Variants in DOCK10 observed in about 807,000 individuals in gnomAD.
The protein encoded by DOCK10 is dedicator of cytokinesis protein 10.
Under a neutral mutation model 280.1 loss-of-function variants are expected in DOCK10, and 145 were observed. The ratio of observed to expected loss-of-function variants is 0.52; its 90% CI spans 0.45 to 0.59. The LOEUF is 0.59. DOCK10 is among the 20% of genes least tolerant of loss of function. DOCK10 has a pLI of 0.00. For synonymous variants in DOCK10, 915 were observed against 942.2 expected, an observed-to-expected ratio of 0.97 and a Z score of 0.53; for missense variants, 2,368 against 2,651.7, an observed-to-expected ratio of 0.89 and a Z score of 2.35.
chr2:224,916,721 T>C lies in DOCK10; in HGVS notation c.307A>G (p.Lys103Glu), dbSNP rs1460067491. 1.9e-6 allele frequency: 3 copies of C among 1,611,098 alleles called. No individual in the cohort carries two copies. Among genetic ancestry groups the C allele is most frequent in the Non-Finnish European group, 2.5e-6 (3 of 1,178,526 alleles). ...YSTVPEDAEH[K>E]AENLLVKEAC... ...TCCTTAACCAGTAAATTTTCTGCCT[T>C]GTGCTCTGCATCTTCAGGTACTGTT... The change falls in exon 3 of 56, where the codon AAG becomes GAG. Residue 103 changes from lysine to glutamate, a missense_variant. Transcript: ENST00000258390.
chr2:224,842,762 G>A (rs1298627245), intron 22 of DOCK10, among the ~76,000 whole-genome samples: 1 of 152,190 alleles, frequency 6.6e-6, no homozygotes, highest in African/African-American at 2.4e-5. Flanking sequence ...ACAGAGCAGA[G>A]GGCAAGGAAG....
At chr2:224,896,622 CATGAGAAT>C in intron 3 of DOCK10, among the ~76,000 whole-genome samples, 1 of 152,256 alleles carries the variant, frequency 6.6e-6, no homozygotes. Flanking sequence ...GAGGCTGAGA[CATGAGAAT>C]AGGTTGAACC....
chr2:224,897,318 G>A (rs1700042539), intron 3 of DOCK10, among the ~76,000 whole-genome samples: 1 of 152,118 alleles, frequency 6.6e-6, no homozygotes, highest in African/African-American at 2.4e-5. Flanking sequence ...TACATGAGAT[G>A]GTTTGATACA....
At chr2:225,039,162 T>A (rs1381784103) in intron 1 of DOCK10, among the ~76,000 whole-genome samples, 1 of 152,192 alleles carries the variant, frequency 6.6e-6, no homozygotes, top group Non-Finnish European at 1.5e-5. Context: ...TTCTAATTAG[T>A]GGCATTACAA....
intron 1 of DOCK10, among the ~76,000 whole-genome samples, chr2:224,962,927 C>CA (rs1214483069): frequency 2.0e-5 from 3 of 151,868 alleles, no homozygotes; most frequent in African/African-American, 7.3e-5. Flanking sequence ...TTTTTTCTGC[C>CA]AAAAAATGTT....
chr2:224,861,912 C>G (rs1574954245), intron 14 of DOCK10: 1 of 152,296 alleles, frequency 6.6e-6, no homozygotes, highest in African/African-American at 2.4e-5. Context: ...TCTAACCTTT[C>G]TTAGTTCATT....
At chr2:224,974,139 G>T (rs1341898174) in intron 1 of DOCK10, among the ~76,000 whole-genome samples, 3 of 152,158 alleles carry the variant, frequency 2.0e-5, no homozygotes, top group Non-Finnish European at 4.4e-5. Context: ...CCACCAAACT[G>T]TAAGTGCAGG....
chr2:224,890,375 G>C (rs1699587590), intron 4 of DOCK10, among the ~76,000 whole-genome samples: 1 of 152,200 alleles, frequency 6.6e-6, no homozygotes, highest in Admixed American at 6.5e-5. Context: ...ATGAAACAAA[G>C]TAAGGTTCTC....
At chr2:225,033,697 A>G (rs1225116884) in intron 1 of DOCK10, among the ~76,000 whole-genome samples, 1 of 152,230 alleles carries the variant, frequency 6.6e-6, no homozygotes, top group East Asian at 1.9e-4. Flanking sequence ...CTGCTGTGAA[A>G]GATAAGAAGC....
rs1310221679 is a variant in DOCK10, at chr2:224,794,950, T to G, written c.5083A>C (p.Thr1695Pro). 1 of 1,613,746 alleles carries G rather than the reference T, an allele frequency of 6.2e-7. No homozygotes were observed. The highest frequency in any genetic ancestry group is 2.2e-5 in the East Asian group (1 of 44,858). ...AGCCAGGTCCTGCGTAGTTCAGGAG[T>G]GCTTGCGTAGGAGTTTGCCAGGCTG... ...QYSLANSYASTPELRRTWLES... is the reference protein window; with the variant it reads ...QYSLANSYASPPELRRTWLES... Residue 1695 changes from threonine (T) to proline (P), a missense_variant, in exon 45 of 56, where the codon ACT (threonine) becomes CCT (proline). By Grantham distance (38) the Thr-to-Pro change is conservative. Transcript: ENST00000258390.
intron 4 of DOCK10, among the ~76,000 whole-genome samples, chr2:224,888,742 GTA>G (rs200788903): frequency 0.11 from 16,076 of 151,514 alleles, 1,149 homozygotes; most frequent in Middle Eastern, 0.18. Flanking sequence ...ATATATGTGT[GTA>G]TGTGTGTGTG....
At chr2:224,781,146 C>T (rs573509261) in intron 50 of DOCK10, among the ~76,000 whole-genome samples, 3 of 152,266 alleles carry the variant, frequency 2.0e-5, no homozygotes, top group South Asian at 2.1e-4. Flanking sequence ...AATTTGAGTT[C>T]TGGCTTTTAT....
intron 1 of DOCK10, among the ~76,000 whole-genome samples, chr2:225,017,720 A>AAAAAAC (rs1689654724): frequency 6.6e-6 from 1 of 150,480 alleles, no homozygotes; most frequent in African/African-American, 2.4e-5. Context: ...AAAAAAAAAA[A>AAAAAAC]GCAAAAAGGA....
intron 47 of DOCK10, among the ~76,000 whole-genome samples, chr2:224,791,874 T>G (rs573211570): frequency 3.3e-5 from 5 of 152,192 alleles, no homozygotes; most frequent in Non-Finnish European, 5.9e-5. Context: ...ATATAGCAAG[T>G]AAAGTCCATT....
intron 2 of DOCK10, among the ~76,000 whole-genome samples, chr2:224,931,091 GGTGTCA>G (rs1465042133): frequency 2.6e-5 from 4 of 152,286 alleles, no homozygotes; most frequent in African/African-American, 9.6e-5. Flanking sequence ...TTTGCCCCCA[GGTGTCA>G]GTATCTCCTT....
chr2:224,947,772 C>T (rs111563050), intron 1 of DOCK10, among the ~76,000 whole-genome samples: 6 of 152,096 alleles, frequency 3.9e-5, no homozygotes, highest in African/African-American at 9.7e-5. Context: ...CACAACTGTA[C>T]GGTTTATTTA....
intron 28 of DOCK10, among the ~76,000 whole-genome samples, chr2:224,821,496 A>G (rs1694501600): frequency 1.3e-5 from 2 of 152,192 alleles, no homozygotes; most frequent in African/African-American, 4.8e-5. Context: ...TCAGTTTTAC[A>G]TTTTCAAAAA....
chr2:224,886,536 T>C lies in DOCK10; in HGVS notation c.417-5A>G, dbSNP rs770881322. On this transcript the variant is annotated splice_region_variant and splice_polypyrimidine_tract_variant and intron_variant, in intron 4 of 55. Transcript: ENST00000258390. ...TTCTCTGGTTTGTATTCTGCTCTGA[T>C]ATTAAAAAAAAAAAAAGATTCTGAT... is the stretch of plus-strand genomic sequence containing the variant. 5.1e-6 allele frequency: 8 copies of C among 1,571,876 alleles called. No homozygotes were observed. Among genetic ancestry groups the C allele is most frequent in the Non-Finnish European group, 6.0e-6 (7 of 1,170,300 alleles).
intron 2 of DOCK10, among the ~76,000 whole-genome samples, chr2:224,921,112 A>AAAAAAAAATAT: frequency 2.6e-4 from 14 of 54,404 alleles, no homozygotes; most frequent in Middle Eastern, 9.6e-3. Flanking sequence ...AAAAAAAAAA[A>AAAAAAAAATAT]ATATATATAT....
Sources: gnomAD v4.1 joint callset for allele counts (sites outside exome capture counted in the v4.1 genomes callset) on GRCh38, gnomAD v4.1.1 for gene constraint, MANE v1.5 for transcripts, NCBI Gene and HGNC (gene_info 2026-07-23, HGNC 2026-07-21) for gene names.